Variants in UBE2E2 observed in about 807,000 individuals in gnomAD.
UBE2E2 encodes ubiquitin conjugating enzyme E2 E2, also known as ubiquitin-conjugating enzyme E2 E2.
Under a neutral mutation model 24.7 loss-of-function variants are expected in UBE2E2, and 6 were observed. The ratio of observed to expected loss-of-function variants is 0.24; its 90% CI spans 0.13 to 0.48. The LOEUF (loss-of-function observed/expected upper bound fraction) is 0.48, where lower values mean the gene tolerates loss of function less well. Ranked by LOEUF, UBE2E2 falls within the 20% of genes least tolerant of loss-of-function variation. The pLI is 0.99. For missense variants in UBE2E2, 169 were observed against 245.0 expected (o/e 0.69, Z 2.07); for synonymous variants, 104 against 83.6 (o/e 1.24, Z -1.33).
chr3:23,432,166 C>T (rs2125401287), intron 3 of UBE2E2, among the ~76,000 whole-genome samples: 1 of 152,222 alleles, frequency 6.6e-6, no homozygotes, highest in East Asian at 1.9e-4. Context: ...CAGTCAAATT[C>T]TAAAATGGTA....
At chr3:23,365,773 G>T (rs530516319) in intron 3 of UBE2E2, among the ~76,000 whole-genome samples, 1 of 151,964 alleles carries the variant, frequency 6.6e-6, no homozygotes, top group Admixed American at 6.6e-5. Context: ...TTTTAAATTC[G>T]TATGGAACCA....
At chr3:23,534,540 T>G (rs1013436288) in intron 5 of UBE2E2, among the ~76,000 whole-genome samples, 5 of 152,240 alleles carry the variant, frequency 3.3e-5, no homozygotes, top group Non-Finnish European at 5.9e-5. Flanking sequence ...AAATACATGC[T>G]AACATTTAGT....
At chr3:23,330,866 A>G (rs1695039539) in intron 3 of UBE2E2, among the ~76,000 whole-genome samples, 1 of 152,150 alleles carries the variant, frequency 6.6e-6, no homozygotes, top group Admixed American at 6.5e-5. Flanking sequence ...GAAAGGATTT[A>G]TTGTTATTAA....
chr3:23,509,659 T>C (rs770068868), intron 4 of UBE2E2, among the ~76,000 whole-genome samples: 1 of 152,098 alleles, frequency 6.6e-6, no homozygotes, highest in Non-Finnish European at 1.5e-5. Flanking sequence ...ACATGTGCCA[T>C]GTTGGCGTGC....
chr3:23,328,369 ATG>A (rs1374042283), intron 3 of UBE2E2, among the ~76,000 whole-genome samples: 12 of 152,168 alleles, frequency 7.9e-5, no homozygotes, highest in African/African-American at 2.9e-4. Context: ...TCAGTAGAAA[ATG>A]TACTTCAGTG....
In UBE2E2 at chr3:23,253,324, A is replaced by G. The variant is rs146047833; in HGVS notation, c.227+36012A>G. On this transcript the variant is annotated intron_variant, in intron 3 of 5. Coordinates refer to ENST00000396703, the MANE Select transcript of UBE2E2 (RefSeq NM_152653.4). ...CAGTGAGACAGGCAGAGAATGACAA[A>G]CCAGTAAAAATACCCATGATGACTG... is the stretch of plus-strand genomic sequence containing the variant. Among the ~76,000 whole-genome samples, 31 of 152,344 alleles carry G rather than the reference A, an allele frequency of 2.0e-4. No individual in the cohort carries two copies. The East Asian group carries it at 5.4e-3, about 27-fold the overall frequency.
intron 3 of UBE2E2, among the ~76,000 whole-genome samples, chr3:23,387,714 C>T (rs958884324): frequency 1.3e-5 from 2 of 152,118 alleles, no homozygotes; most frequent in Non-Finnish European, 1.5e-5. Context: ...GTATGAAGTG[C>T]CTGACAGGCC....
chr3:23,342,060 CT>C (rs1040705051), intron 3 of UBE2E2, among the ~76,000 whole-genome samples: 1 of 152,156 alleles, frequency 6.6e-6, no homozygotes, highest in Non-Finnish European at 1.5e-5. Flanking sequence ...ACAGTGGAGA[CT>C]TTGAAATTTC....
chr3:23,559,048 A>G (rs1695857397), intron 5 of UBE2E2, among the ~76,000 whole-genome samples: 1 of 152,208 alleles, frequency 6.6e-6, no homozygotes, highest in Non-Finnish European at 1.5e-5. Context: ...ACACAAGAGT[A>G]ATATAATGAT....
intron 5 of UBE2E2, among the ~76,000 whole-genome samples, chr3:23,562,780 T>G (rs1695966147): frequency 6.6e-6 from 1 of 152,208 alleles, no homozygotes; most frequent in African/African-American, 2.4e-5. Context: ...ATTCAGCTTC[T>G]TCCTGGTTTA....
chr3:23,568,196 C>G (rs1696121942), intron 5 of UBE2E2, among the ~76,000 whole-genome samples: 2 of 152,102 alleles, frequency 1.3e-5, no homozygotes, highest in South Asian at 4.1e-4. Flanking sequence ...TGGTGGAGAC[C>G]ACGGATACGT....
At chr3:23,480,932 A>ACATCCTGCATTTTGTTGGCGGT (rs1459647276) in intron 3 of UBE2E2, among the ~76,000 whole-genome samples, 1 of 152,194 alleles carries the variant, frequency 6.6e-6, no homozygotes, top group African/African-American at 2.4e-5. Flanking sequence ...ATTTAGGGGG[A>ACATCCTGCATTTTGTTGGCGGT]CATCCTGCAT....
At chr3:23,266,898 A>C (rs937488676) in intron 3 of UBE2E2, among the ~76,000 whole-genome samples, 1 of 152,186 alleles carries the variant, frequency 6.6e-6, no homozygotes, top group African/African-American at 2.4e-5. Flanking sequence ...GGATTAAGAA[A>C]CTCACTCAAA....
intron 3 of UBE2E2, among the ~76,000 whole-genome samples, chr3:23,336,589 A>T (rs1695218621): frequency 6.6e-6 from 1 of 152,236 alleles, no homozygotes; most frequent in African/African-American, 2.4e-5. Flanking sequence ...AAGCCAACAT[A>T]AATGATCTTT....
Position 23,572,195 on chromosome 3 carries a change from A to G in UBE2E2, c.509-17539A>G, listed in dbSNP as rs571398458. 2.0e-3 allele frequency among the ~76,000 whole-genome samples: 311 copies of G among 152,272 alleles called. 1 individual carries two copies. The highest frequency in any genetic ancestry group is 3.4e-3 in the Non-Finnish European group (232 of 68,010). ...TGATCGTTTTTCTCCCTTAATCACTACAAGTCACACACTGTTATGTCTTTT... is the reference window on the plus strand; with the variant it reads ...TGATCGTTTTTCTCCCTTAATCACTGCAAGTCACACACTGTTATGTCTTTT... On this transcript the variant is annotated intron_variant, in intron 5 of 5. Coordinates refer to ENST00000396703, the MANE Select transcript of UBE2E2 (RefSeq NM_152653.4).
At chr3:23,361,595 T>C (rs933350296) in intron 3 of UBE2E2, among the ~76,000 whole-genome samples, 2 of 152,214 alleles carry the variant, frequency 1.3e-5, no homozygotes, top group African/African-American at 4.8e-5. Flanking sequence ...CCAAATATTC[T>C]ATGTTCTCAT....
intron 3 of UBE2E2, among the ~76,000 whole-genome samples, chr3:23,388,586 A>G (rs1057096835): frequency 2.6e-5 from 4 of 152,212 alleles, no homozygotes; most frequent in Non-Finnish European, 5.9e-5. Flanking sequence ...ACATGTTAAT[A>G]CTCTAATGCT....
At chr3:23,203,263 G>C, upstream of UBE2E2, 2 of 988,344 alleles carry the variant, frequency 2.0e-6, no homozygotes, top group South Asian at 9.0e-5. Flanking sequence ...GGCGCTGAGG[G>C]TGAGTCCGGG....
chr3:23,245,080 C>A (rs571558599), intron 3 of UBE2E2, among the ~76,000 whole-genome samples: 1 of 151,898 alleles, frequency 6.6e-6, no homozygotes, highest in African/African-American at 2.4e-5. Context: ...GGGCTTATTA[C>A]GGTCTAGTAA....
Sources: allele counts gnomAD v4.1 joint callset (sites outside exome capture counted in the v4.1 genomes callset), GRCh38; gene constraint gnomAD v4.1.1; transcripts MANE v1.5; gene names NCBI Gene and HGNC (gene_info 2026-07-23, HGNC 2026-07-21).